CCDC91: variants seen among roughly 807,000 people sequenced by gnomAD.
The protein encoded by CCDC91 is coiled-coil domain-containing protein 91.
CCDC91 carries 48 observed loss-of-function variants against 63.2 expected under a neutral mutation model. That is an observed-to-expected ratio of 0.76 (90% CI 0.60 to 0.97). The LOEUF (loss-of-function observed/expected upper bound fraction) is 0.97, where lower values mean the gene tolerates loss of function less well. Ranked by LOEUF, CCDC91 falls within the 50% of genes least tolerant of loss-of-function variation. The pLI, the probability that CCDC91 is intolerant of heterozygous loss-of-function variation, is 0.00. For missense variants in CCDC91, 500 were observed against 494.6 expected, an observed-to-expected ratio of 1.01 and a Z score of -0.10; for synonymous variants, 167 against 165.8, an observed-to-expected ratio of 1.01 and a Z score of -0.06.
chr12:28,485,542 T>A (rs1225725071), intron 12 of CCDC91, among the ~76,000 whole-genome samples: 2 of 152,008 alleles, frequency 1.3e-5, no homozygotes, highest in African/African-American at 4.8e-5. Flanking sequence ...TACAGTTAGG[T>A]TTCAACAGAG....
intron 6 of CCDC91, among the ~76,000 whole-genome samples, chr12:28,310,732 G>GT (rs1317009604): frequency 3.3e-5 from 5 of 151,962 alleles, no homozygotes; most frequent in East Asian, 3.9e-4. Context: ...CCAATTCTTT[G>GT]TTTTTTATTT....
chr12:28,202,587 C>T lies in CCDC91; in HGVS notation c.-15+11946C>T, dbSNP rs114542486. ...GCTTGGAAGCAATGAGTCTCCCAGC[C>T]TTTGCTGGTGGTCTCTGTGTGCATG... is the stretch of plus-strand genomic sequence containing the variant. On this transcript the variant is annotated intron_variant, in intron 1 of 12. Transcript: ENST00000536442. Among the ~76,000 whole-genome samples, 311 of 152,302 alleles carry T rather than the reference C, an allele frequency of 2.0e-3. 2 individuals are homozygous for T. Among genetic ancestry groups the T allele is most frequent in the African/African-American group, 7.1e-3 (293 of 41,556 alleles).
rs571838984 is a variant in CCDC91, at chr12:28,203,126, C to A, written c.-15+12485C>A. 5.3e-5 allele frequency among the ~76,000 whole-genome samples: 8 copies of A among 152,184 alleles called. No homozygotes were observed. The South Asian group carries it at 1.7e-3, about 32-fold the overall frequency. ...GCTGGATTTTATTGTGATTTTTGAGCCTTCTAGTTTTCAAGGCTCTCATGG... is the reference window on the plus strand; with the variant it reads ...GCTGGATTTTATTGTGATTTTTGAGACTTCTAGTTTTCAAGGCTCTCATGG... On this transcript the variant is annotated intron_variant, in intron 1 of 12. Coordinates refer to ENST00000536442, the MANE Select transcript of CCDC91 (RefSeq NM_018318.5).
chr12:28,427,054 A>G (rs1412245063), intron 8 of CCDC91, among the ~76,000 whole-genome samples: 1 of 152,122 alleles, frequency 6.6e-6, no homozygotes, highest in Non-Finnish European at 1.5e-5. Flanking sequence ...ACTCCTCCTT[A>G]TACAGAGACT....
intron 8 of CCDC91, among the ~76,000 whole-genome samples, chr12:28,424,405 A>T (rs1437285759): frequency 2.6e-5 from 4 of 152,160 alleles, no homozygotes; most frequent in Non-Finnish European, 5.9e-5. Flanking sequence ...AATGTTGGTG[A>T]CAGGCTACAG....
chr12:28,316,556 C>CT (rs67889099), intron 6 of CCDC91, among the ~76,000 whole-genome samples: 20 of 28,486 alleles, frequency 7.0e-4, no homozygotes, highest in African/African-American at 2.1e-3. Context: ...CAACTCACAC[C>CT]TTTTTTTTTT....
chr12:28,506,430 C>A (rs1346330842), intron 12 of CCDC91, among the ~76,000 whole-genome samples: 1 of 151,910 alleles, frequency 6.6e-6, no homozygotes, highest in African/African-American at 2.4e-5. Flanking sequence ...TAGTTTGGGT[C>A]ACATGCTTGC....
At chr12:28,336,518 A>G (rs943864555) in intron 6 of CCDC91, among the ~76,000 whole-genome samples, 1 of 152,170 alleles carries the variant, frequency 6.6e-6, no homozygotes, top group Non-Finnish European at 1.5e-5. Flanking sequence ...TTAATAATTC[A>G]ACTTCAACAT....
chr12:28,199,297 A>G (rs1004726452), intron 1 of CCDC91, among the ~76,000 whole-genome samples: 6 of 138,830 alleles, frequency 4.3e-5, no homozygotes, highest in African/African-American at 1.3e-4. Flanking sequence ...ATAACAATCT[A>G]TATTAATTAA....
chr12:28,302,702 GATGTATTATTAA>G (rs1369998493), intron 3 of CCDC91: 27 of 916,302 alleles, frequency 2.9e-5, no homozygotes, highest in Non-Finnish European at 3.5e-5. Context: ...ATGGTTTTTT[GATGTATTATTAA>G]CTGAGATGGA....
chr12:28,484,177 C>T lies in CCDC91; in HGVS notation c.1215+12C>T, dbSNP rs376812145. 1.2e-5 allele frequency: 18 copies of T among 1,488,278 alleles called. No individual in the cohort carries two copies. The highest frequency in any genetic ancestry group is 1.6e-5 in the Non-Finnish European group (17 of 1,080,846). The allele number at this position is 1,488,278 out of a possible 1,614,324, so 92.2% of individuals were successfully genotyped here. A position where few individuals can be genotyped will look rare whatever the true frequency, so the allele number is the denominator to read the frequency against. On this transcript the variant is annotated intron_variant, in intron 12 of 12. Coordinates refer to ENST00000536442, the MANE Select transcript of CCDC91 (RefSeq NM_018318.5). ...AAGAACAGAAAAGGGTAAGTATCTC[C>T]TGAAGAGTTTTAATTTGTGCTTCAA...
intron 3 of CCDC91, among the ~76,000 whole-genome samples, chr12:28,276,195 T>TTGTA (rs932877075): frequency 1.6e-4 from 24 of 152,174 alleles, no homozygotes; most frequent in African/African-American, 5.1e-4. Context: ...TAATAGAATA[T>TTGTA]TGTATGTATG....
chr12:28,210,827 C>A (rs6487669), intron 1 of CCDC91, among the ~76,000 whole-genome samples: 39,575 of 151,724 alleles, frequency 0.26, 5,431 homozygotes, highest in Non-Finnish European at 0.31. Flanking sequence ...CTGGGAATTG[C>A]ACCCTGAGCC....
At position 28,508,119 on chromosome 12, in the gene CCDC91, G is replaced by C. The variant is rs148232867; in HGVS notation, c.1215+23954G>C. On this transcript the variant is annotated intron_variant, in intron 12 of 12. Transcript: ENST00000536442. ...AGAAATTAGTACATTAGTCCTGAAG[G>C]CAGGCTCTGAGTAGTGCGCCACAGG... Among the ~76,000 whole-genome samples the C allele has an allele frequency of 3.1e-4, 47 of 151,906 alleles. 1 individual carries two copies. In the East Asian group the frequency reaches 8.6e-3, roughly 28 times the overall value.
intron 12 of CCDC91, among the ~76,000 whole-genome samples, chr12:28,538,118 G>T (rs1942326653): frequency 1.6e-5 from 2 of 122,712 alleles, no homozygotes; most frequent in African/African-American, 2.8e-5. Context: ...TTATTTTTAG[G>T]GTTTTTTTTT....
chr12:28,421,303 C>T (rs1565946322), intron 8 of CCDC91, among the ~76,000 whole-genome samples: 1 of 151,996 alleles, frequency 6.6e-6, no homozygotes, highest in African/African-American at 2.4e-5. Context: ...GATTATTTTG[C>T]ACCCAGGTAA....
At chr12:28,286,123 T>C (rs1254036101) in intron 3 of CCDC91, among the ~76,000 whole-genome samples, 1 of 152,050 alleles carries the variant, frequency 6.6e-6, no homozygotes, top group African/African-American at 2.4e-5. Context: ...GAGCTAAGTA[T>C]ATATTTAAGG....
chr12:28,226,778 T>G (rs1409012359), intron 1 of CCDC91, among the ~76,000 whole-genome samples: 2 of 152,156 alleles, frequency 1.3e-5, no homozygotes. Context: ...TTATCATACA[T>G]TTAGTGGTCA....
chr12:28,544,134 C>A (rs1222665411), intron 12 of CCDC91, among the ~76,000 whole-genome samples: 1 of 151,886 alleles, frequency 6.6e-6, no homozygotes, highest in African/African-American at 2.4e-5. Context: ...CATCAAACTG[C>A]AAACCTTTAG....
Sources: allele counts gnomAD v4.1 joint callset (sites outside exome capture counted in the v4.1 genomes callset), GRCh38; gene constraint gnomAD v4.1.1; transcripts MANE v1.5; gene names NCBI Gene and HGNC (gene_info 2026-07-23, HGNC 2026-07-21).